ITGA1: variants seen among roughly 807,000 people sequenced by gnomAD.
The protein encoded by ITGA1 is integrin alpha-1.
A neutral mutation model predicts 145.9 loss-of-function variants in ITGA1; 85 were observed. The ratio of observed to expected loss-of-function variants is 0.58; its 90% CI spans 0.49 to 0.70. The LOEUF is 0.70. Ranked by LOEUF, ITGA1 falls within the 30% of genes least tolerant of loss-of-function variation. ITGA1 has a pLI of 0.00. For synonymous variants in ITGA1, 520 were observed against 495.3 expected, an observed-to-expected ratio of 1.05 and a Z score of -0.66; for missense variants, 1,351 against 1,418.7, an observed-to-expected ratio of 0.95 and a Z score of 0.77.
chr5:52,833,366 G>A (rs1340896287), intron 1 of ITGA1, among the ~76,000 whole-genome samples: 1 of 152,028 alleles, frequency 6.6e-6, no homozygotes, highest in African/African-American at 2.4e-5. Flanking sequence ...CAACTTAATT[G>A]TTCACACAGT....
rs750979410 is a variant in ITGA1, at chr5:52,952,444, A to G, written c.3533A>G (p.Glu1178Gly). 7 of 1,392,360 alleles carry G rather than the reference A, an allele frequency of 5.0e-6. No individual in the cohort carries two copies. The East Asian group carries it at 1.5e-4, about 29-fold the overall frequency. The allele number at this position is 1,392,360 out of a possible 1,614,324, so 86.3% of individuals were successfully genotyped here. A position where few individuals can be genotyped will look rare whatever the true frequency, so the allele number is the denominator to read the frequency against. ...FFKRPLKKKM[E>G]K Reference sequence around the variant, plus strand: ...AAAAGACCACTGAAAAAGAAAATGGAGAAATGAAATATTTTATGAAAGAAA... The same window carrying G: ...AAAAGACCACTGAAAAAGAAAATGGGGAAATGAAATATTTTATGAAAGAAA... Residue 1178 changes from glutamate to glycine, a missense_variant, in exon 29 of 29, where the codon GAG becomes GGG. Coordinates refer to ENST00000282588, the MANE Select transcript of ITGA1 (RefSeq NM_181501.2).
intron 21 of ITGA1, chr5:52,931,018 C>G (rs1228111303): frequency 2.0e-5 from 3 of 152,206 alleles, no homozygotes; most frequent in Middle Eastern, 3.4e-3. Context: ...ACACAAATAC[C>G]TATAATCCAA....
In ITGA1 at chr5:52,898,901, T is replaced by A. The variant is rs139564969; in HGVS notation, c.1309+518T>A. Among the ~76,000 whole-genome samples, 244 of 152,286 alleles carry A rather than the reference T, an allele frequency of 1.6e-3. 2 individuals carry two copies. The South Asian group carries it at 0.034, about 21-fold the overall frequency. ...AGACAAATATTGAACTTAAACCCAG[T>A]GATATAACATGATCTTGTTTCCCAG... On this transcript the variant is annotated intron_variant, in intron 11 of 28. Coordinates refer to ENST00000282588, the MANE Select transcript of ITGA1 (RefSeq NM_181501.2).
chr5:52,813,158 A>G (rs1383175352), intron 1 of ITGA1, among the ~76,000 whole-genome samples: 2 of 152,190 alleles, frequency 1.3e-5, no homozygotes, highest in Non-Finnish European at 2.9e-5. Context: ...CACTGAGTGC[A>G]CACAGAATGC....
At chr5:52,866,584 T>A (rs988958275) in intron 6 of ITGA1, among the ~76,000 whole-genome samples, 1 of 152,190 alleles carries the variant, frequency 6.6e-6, no homozygotes, top group African/African-American at 2.4e-5. Flanking sequence ...AAGCCTGTTG[T>A]CCTTTCTGTT....
rs188484651 is a variant in ITGA1, at chr5:52,919,006, C to T, written c.2155+108C>T. On this transcript the variant is annotated intron_variant, in intron 16 of 28. Coordinates refer to ENST00000282588, the MANE Select transcript of ITGA1 (RefSeq NM_181501.2). ...TATTTTCCCCACATGGTGAGCTGCA[C>T]GTCATATTTGCCCCAGTGAAGATGC... 2.2e-4 allele frequency: 206 copies of T among 945,506 alleles called. No homozygotes were observed. The African/African-American group carries it at 2.4e-3, about 11-fold the overall frequency. 58.6% of individuals were successfully genotyped at this position (945,506 alleles called of 1,614,324 possible). A position where few individuals can be genotyped will look rare whatever the true frequency, so the allele number is the denominator to read the frequency against.
chr5:52,922,505 T>A (rs1750746482), intron 17 of ITGA1, among the ~76,000 whole-genome samples: 1 of 152,144 alleles, frequency 6.6e-6, no homozygotes, highest in Admixed American at 6.6e-5. Flanking sequence ...CACAGCCAAG[T>A]GTGATGTTGC....
At chr5:52,833,378 A>T (rs1391983) in intron 1 of ITGA1, among the ~76,000 whole-genome samples, 128,733 of 152,110 alleles carry the variant, frequency 0.85, 54,696 homozygotes, top group Non-Finnish European at 0.88. Context: ...TCACACAGTT[A>T]TGTAAGATGT....
At chr5:52,895,250 C>G (rs1204606803) in intron 9 of ITGA1, among the ~76,000 whole-genome samples, 1 of 152,094 alleles carries the variant, frequency 6.6e-6, no homozygotes, top group East Asian at 1.9e-4. Flanking sequence ...TGGCCTCTTT[C>G]CCCTGTGCCT....
At chr5:52,881,006 T>G (rs1749948093) in intron 6 of ITGA1, among the ~76,000 whole-genome samples, 1 of 152,204 alleles carries the variant, frequency 6.6e-6, no homozygotes, top group African/African-American at 2.4e-5. Flanking sequence ...CTTTCCCTCC[T>G]GTATTTCACT....
intron 1 of ITGA1, among the ~76,000 whole-genome samples, chr5:52,821,249 A>G (rs1022657979): frequency 6.6e-6 from 1 of 152,122 alleles, no homozygotes; most frequent in African/African-American, 2.4e-5. Context: ...GCATTTTTAG[A>G]CTGCTTAATT....
At chr5:52,808,094 G>A (rs1252306844) in intron 1 of ITGA1, among the ~76,000 whole-genome samples, 1 of 152,138 alleles carries the variant, frequency 6.6e-6, no homozygotes, top group East Asian at 1.9e-4. Flanking sequence ...AAAGCCTAGA[G>A]TATTATAGAG....
intron 1 of ITGA1, chr5:52,800,827 G>A (rs750569887): frequency 6.2e-7 from 1 of 1,610,244 alleles, no homozygotes; most frequent in Non-Finnish European, 8.5e-7. Context: ...CATGCAGGAA[G>A]GCCTCGCCCA....
chr5:52,856,978 T>C (rs1049299165), intron 2 of ITGA1, among the ~76,000 whole-genome samples: 4 of 152,118 alleles, frequency 2.6e-5, no homozygotes, highest in African/African-American at 9.7e-5. Flanking sequence ...TGGCCTCTTA[T>C]CCTCTGTTAA....
intron 15 of ITGA1, among the ~76,000 whole-genome samples, chr5:52,916,692 G>A (rs1027996457): frequency 2.6e-5 from 4 of 152,142 alleles, no homozygotes; most frequent in African/African-American, 4.8e-5. Flanking sequence ...CAGTGGCTGG[G>A]ACTTTGGGGA....
chr5:52,838,835 G>A (rs991537638), intron 1 of ITGA1, among the ~76,000 whole-genome samples: 3 of 152,088 alleles, frequency 2.0e-5, no homozygotes, highest in East Asian at 3.8e-4. Flanking sequence ...GGTGACTCAC[G>A]CCTGTAATCC....
intron 19 of ITGA1, 68 bp downstream of exon 19, chr5:52,925,555 T>G (rs1750793391): frequency 8.8e-7 from 1 of 1,139,564 alleles, no homozygotes; most frequent in Non-Finnish European, 1.3e-6. Flanking sequence ...TTCATGCTAC[T>G]GAGATAATTG....
intron 9 of ITGA1, among the ~76,000 whole-genome samples, chr5:52,894,254 C>A (rs886597237): frequency 2.0e-5 from 3 of 152,108 alleles, no homozygotes; most frequent in Admixed American, 6.6e-5. Context: ...TGCTCTTATG[C>A]AATAACTTCT....
chr5:52,936,935 G>T (rs1240612573), intron 23 of ITGA1, among the ~76,000 whole-genome samples: 1 of 151,982 alleles, frequency 6.6e-6, no homozygotes, highest in Non-Finnish European at 1.5e-5. Context: ...ATCTAGCCAG[G>T]ATTAGAGATG....
Sources: allele counts gnomAD v4.1 joint callset (sites outside exome capture counted in the v4.1 genomes callset), GRCh38; gene constraint gnomAD v4.1.1; transcripts MANE v1.5; gene names NCBI Gene and HGNC (gene_info 2026-07-23, HGNC 2026-07-21).